The following ZNF521 variants were observed in gnomAD, a reference collection of about 807,000 sequenced individuals.
ZNF521 encodes the protein LYST-interacting protein 3.
A neutral mutation model predicts 105.5 loss-of-function variants in ZNF521; 14 were observed. That is an observed-to-expected ratio of 0.13 (90% confidence interval 0.09 to 0.21). The LOEUF is 0.21. Among genes scored for constraint, ZNF521 ranks in the 10% least tolerant of loss-of-function variants. ZNF521 has a pLI of 1.00. For synonymous variants in ZNF521, 635 were observed against 606.0 expected (o/e 1.05, Z -0.70); for missense variants, 1,233 against 1,629.7 (o/e 0.76, Z 4.19).
At chr18:25,275,015 A>C (rs1304398648) in intron 3 of ZNF521, among the ~76,000 whole-genome samples, 3 of 152,186 alleles carry the variant, frequency 2.0e-5, no homozygotes, top group African/African-American at 7.2e-5. Flanking sequence ...AAAAGAAAAA[A>C]ACTTACAAAC....
intron 3 of ZNF521, among the ~76,000 whole-genome samples, chr18:25,286,373 T>C (rs1600258949): frequency 6.6e-6 from 1 of 152,154 alleles, no homozygotes; most frequent in African/African-American, 2.4e-5. Flanking sequence ...TAAAACTACA[T>C]TCTCTGCAAA....
intron 5 of ZNF521, among the ~76,000 whole-genome samples, chr18:25,167,305 A>G (rs2035361026): frequency 6.6e-6 from 1 of 152,228 alleles, no homozygotes; most frequent in African/African-American, 2.4e-5. Context: ...CTTAAAACAT[A>G]CAAAAAACAC....
chr18:25,116,948 T>C (rs567135013), intron 5 of ZNF521, among the ~76,000 whole-genome samples: 2 of 132,730 alleles, frequency 1.5e-5, no homozygotes, highest in Non-Finnish European at 3.1e-5. Flanking sequence ...TATATACACA[T>C]ATATATGTAT....
At chr18:25,193,597 A>T (rs1568003278) in intron 5 of ZNF521, among the ~76,000 whole-genome samples, 1 of 151,974 alleles carries the variant, frequency 6.6e-6, no homozygotes, top group East Asian at 1.9e-4. Context: ...GCAGGAATTC[A>T]TTTTTTCTAA....
intron 3 of ZNF521, among the ~76,000 whole-genome samples, chr18:25,285,487 G>C (rs1910645570): frequency 6.6e-6 from 1 of 152,162 alleles, no homozygotes; most frequent in Non-Finnish European, 1.5e-5. Flanking sequence ...GCATACACAG[G>C]CTGGCCATTT....
intron 5 of ZNF521, among the ~76,000 whole-genome samples, chr18:25,129,795 T>C (rs765403151): frequency 5.7e-5 from 8 of 140,894 alleles, no homozygotes; most frequent in Non-Finnish European, 9.8e-5. Flanking sequence ...GATAGCACTC[T>C]GTACCTGTCA....
At chr18:25,096,850 G>A (rs1051511140) in intron 5 of ZNF521, among the ~76,000 whole-genome samples, 2 of 152,168 alleles carry the variant, frequency 1.3e-5, no homozygotes, top group Non-Finnish European at 2.9e-5. Flanking sequence ...ATCACCATGT[G>A]GCCGGGGCCA....
At chr18:25,219,236 C>T (rs1003663908) in intron 4 of ZNF521, among the ~76,000 whole-genome samples, 8 of 151,962 alleles carry the variant, frequency 5.3e-5, no homozygotes, top group African/African-American at 9.7e-5. Flanking sequence ...GATTTTTGAC[C>T]GAGTGAGGGG....
intron 3 of ZNF521, chr18:25,231,591 G>T (rs1361723862): frequency 6.6e-6 from 1 of 152,270 alleles, no homozygotes; most frequent in African/African-American, 2.4e-5. Context: ...GAGGGTCTGA[G>T]AGTCTGTTTA....
intron 3 of ZNF521, among the ~76,000 whole-genome samples, chr18:25,232,507 GGCAATCTACA>G (rs1906601223): frequency 6.6e-6 from 1 of 152,130 alleles, no homozygotes; most frequent in South Asian, 2.1e-4. Context: ...CTGACCCAAT[GGCAATCTACA>G]GTGCCTTAAG....
chr18:25,171,315 T>A (rs1265029189), intron 5 of ZNF521, among the ~76,000 whole-genome samples: 2 of 152,146 alleles, frequency 1.3e-5, no homozygotes, highest in East Asian at 3.8e-4. Context: ...TATGCCAGTC[T>A]TTGACTGCCA....
At chr18:25,214,109 C>T (rs913649431) in intron 4 of ZNF521, among the ~76,000 whole-genome samples, 9 of 152,102 alleles carry the variant, frequency 5.9e-5, no homozygotes, top group African/African-American at 2.2e-4. Context: ...TAACGCCTTG[C>T]TTTTCCTTCC....
chr18:25,070,900 G>A (rs1236851490), intron 7 of ZNF521, among the ~76,000 whole-genome samples: 1 of 152,122 alleles, frequency 6.6e-6, no homozygotes, highest in African/African-American at 2.4e-5. Flanking sequence ...TTTGCAGGGA[G>A]GAACTGATCT....
At chr18:25,212,860 G>T (rs2144691696) in intron 4 of ZNF521, among the ~76,000 whole-genome samples, 1 of 151,326 alleles carries the variant, frequency 6.6e-6, no homozygotes, top group Non-Finnish European at 1.5e-5. Context: ...TTTTGCTAGT[G>T]AATAAAAATC....
At chr18:25,202,353 C>T (rs563598857) in intron 4 of ZNF521, 7 of 152,076 alleles carry the variant, frequency 4.6e-5, no homozygotes, top group South Asian at 4.1e-4. Context: ...ATTTACATAG[C>T]GCTTATATTA....
At chr18:25,166,775 CTTTTA>C (rs907546995) in intron 5 of ZNF521, among the ~76,000 whole-genome samples, 8 of 152,072 alleles carry the variant, frequency 5.3e-5, no homozygotes, top group African/African-American at 1.2e-4. Flanking sequence ...AATTAGCTTT[CTTTTA>C]TAAGACAGCG....
intron 5 of ZNF521, among the ~76,000 whole-genome samples, chr18:25,159,895 T>C (rs2035219364): frequency 6.6e-6 from 1 of 152,142 alleles, no homozygotes; most frequent in African/African-American, 2.4e-5. Context: ...AATGAGACAA[T>C]ATGTGTCATG....
chr18:25,350,979 C>T, intron 1 of ZNF521, 32 bp from the exon 2 acceptor site: 1 of 1,540,174 alleles, frequency 6.5e-7, no homozygotes, highest in Non-Finnish European at 8.8e-7. Context: ...TGTTTCAATT[C>T]AGCCCTGAAA....
At position 25,226,850 on chromosome 18, in the gene ZNF521, A is replaced by G. The variant is rs770452207; in HGVS notation, c.1068T>C (p.Ser356=). The part of the protein sequence containing the change: ...LVTVGYTSVS[S]TTPDSNLSVD... ...CTGAGAGGTTGGAATCTGGAGTCGT[A>G]CTGGACACGGAGGTATAGCCCACCG... is the stretch of plus-strand genomic sequence containing the variant. Residue 356 remains serine, a synonymous_variant, in exon 4 of 8, where the codon AGT becomes AGC. Transcript: ENST00000361524. The surrounding 1 kb of genome is among the most constrained non-coding windows in gnomAD (Gnocchi z 4.1). 2 of 1,613,872 alleles carry G rather than the reference A, an allele frequency of 1.2e-6. No homozygotes were observed.
Sources: gnomAD v4.1 joint callset for allele counts (sites outside exome capture counted in the v4.1 genomes callset) on GRCh38, gnomAD v4.1.1 for gene constraint, Gnocchi (gnomAD v3.1) non-coding constraint, MANE v1.5 for transcripts, NCBI Gene and HGNC (gene_info 2026-07-23, HGNC 2026-07-21) for gene names.